The following RCC1 variants were observed in gnomAD, a reference collection of about 807,000 sequenced individuals.
RCC1 encodes the protein regulator of chromosome condensation.
A neutral mutation model predicts 44.4 loss-of-function variants in RCC1; 11 were observed. The ratio of observed to expected loss-of-function variants is 0.25; its 90% confidence interval spans 0.16 to 0.41. RCC1 has a LOEUF of 0.41. RCC1 is among the 10% of genes least tolerant of loss of function. The probability of loss-of-function intolerance (pLI) is 1.00; values close to 1 mark genes in which losing one functional copy is unlikely to be tolerated. For synonymous variants in RCC1, 213 were observed against 216.5 expected, an observed-to-expected ratio of 0.98 and a Z score of 0.14; for missense variants, 386 against 547.1, an observed-to-expected ratio of 0.71 and a Z score of 2.94.
intron 1 of RCC1, 73 bp from the exon 2 acceptor site, chr1:28,508,055 C>A: frequency 2.5e-6 from 1 of 404,216 alleles, no homozygotes; most frequent in Non-Finnish European, 5.1e-6. Flanking sequence ...CAACCCCAGG[C>A]GATAGCATGA....
At chr1:28,532,976 T>C (rs1463753149) in intron 7 of RCC1, among the ~76,000 whole-genome samples, 1 of 151,732 alleles carries the variant, frequency 6.6e-6, no homozygotes, top group African/African-American at 2.4e-5. Context: ...CCACCACGCC[T>C]GGCTAATTTT....
chr1:28,510,715 CAA>C (rs1173310442), intron 3 of RCC1: 1 of 152,246 alleles, frequency 6.6e-6, no homozygotes, highest in African/African-American at 2.4e-5. Flanking sequence ...TCCCAGGAAC[CAA>C]AAGACTAATT....
At chr1:28,521,399 G>A (rs1030118787) in intron 4 of RCC1, among the ~76,000 whole-genome samples, 15 of 151,694 alleles carry the variant, frequency 9.9e-5, no homozygotes, top group African/African-American at 3.6e-4. Flanking sequence ...TACTCGGGAG[G>A]CTGAGGCAGG....
intron 4 of RCC1, among the ~76,000 whole-genome samples, chr1:28,522,923 G>C (rs1353268790): frequency 4.0e-5 from 6 of 151,672 alleles, no homozygotes. Context: ...CGGAAGACCA[G>C]TGAAAAGTTG....
At position 28,536,404 on chromosome 1, in the gene RCC1, T is replaced by A. The variant is rs1664559502; in HGVS notation, c.937+23T>A. 2 of 1,609,486 alleles carry A rather than the reference T, an allele frequency of 1.2e-6. No homozygotes were observed. The highest frequency in any genetic ancestry group is 2.2e-5 in the South Asian group (2 of 90,620). ...AAGGTAGGGCCTTTACGTCCTTCTCTAGTTTGGGGGTGGAGTGTTCCCTGG... is the reference window on the plus strand; with the variant it reads ...AAGGTAGGGCCTTTACGTCCTTCTCAAGTTTGGGGGTGGAGTGTTCCCTGG... On this transcript the variant is annotated intron_variant, in intron 11 of 12. Transcript: ENST00000683442. This position sits in a 1 kb window ranked among gnomAD's most constrained non-coding sequence, Gnocchi z 4.9.
At position 28,532,796 on chromosome 1, in the gene RCC1, TTTG is replaced by T. The variant is rs570603145; in HGVS notation, c.441+467_441+469del. 8.7e-4 allele frequency: 384 copies of T among 441,608 alleles called. 1 individual carries two copies. The highest frequency in any genetic ancestry group is 2.1e-3 in the African/African-American group (104 of 49,248). The allele number at this position is 441,608 out of a possible 1,614,324, so 27.4% of individuals were successfully genotyped here. ...TAGTTGAAAAAACAGATTGTGGGTT[TTTG>T]TTGTTGTTGTTGTTGTTGTTTTTGT... On this transcript the variant is annotated intron_variant, in intron 7 of 12. Coordinates refer to ENST00000683442, the MANE Select transcript of RCC1 (RefSeq NM_001381865.2).
Position 28,507,544 on chromosome 1 carries a change from G to A in RCC1, c.-261-584G>A, listed in dbSNP as rs370759642. ...TCCCAGAGTCCTGTCGACAATTACT[G>A]GGGAGACAAACCATGCAGGAAACAG... On this transcript the variant is annotated intron_variant, in intron 1 of 12. Coordinates refer to ENST00000683442, the MANE Select transcript of RCC1 (RefSeq NM_001381865.2). 4 of 518,400 alleles carry A rather than the reference G, an allele frequency of 7.7e-6. No individual in the cohort carries two copies. The African/African-American group carries it at 7.7e-5, about 10-fold the overall frequency. The allele number at this position is 518,400 out of a possible 1,614,324, so 32.1% of individuals were successfully genotyped here.
At chr1:28,513,906 C>G (rs563843566) in intron 3 of RCC1, among the ~76,000 whole-genome samples, 2 of 152,080 alleles carry the variant, frequency 1.3e-5, no homozygotes, top group East Asian at 3.9e-4. Context: ...TTTTAACTTA[C>G]AATAGTCCAC....
chr1:28,527,448 G>A (rs547223762), intron 4 of RCC1, among the ~76,000 whole-genome samples: 1 of 152,190 alleles, frequency 6.6e-6, no homozygotes, highest in African/African-American at 2.4e-5. Context: ...TCGCCATGTT[G>A]CCCACGCTGG....
At chr1:28,515,552 A>G (rs752754102) in intron 3 of RCC1, among the ~76,000 whole-genome samples, 1 of 150,608 alleles carries the variant, frequency 6.6e-6, no homozygotes, top group East Asian at 2.0e-4. Context: ...CCCTGTCTCT[A>G]TTAAAAATAC....
At chr1:28,506,714 T>C (rs1570150250) in intron 1 of RCC1, 2 of 158,474 alleles carry the variant, frequency 1.3e-5, no homozygotes, top group Admixed American at 1.2e-4. Flanking sequence ...CACACAGTTT[T>C]ATTCTGGATC....
rs561720586 is a variant in RCC1 at position 28,531,353 on chromosome 1, G to A, written c.74-450G>A. Among the ~76,000 whole-genome samples, 33 of 131,736 alleles carry A rather than the reference G, an allele frequency of 2.5e-4. No homozygotes were observed. The East Asian group carries it at 6.6e-3, about 26-fold the overall frequency. The allele number at this position is 131,736 out of a possible 152,430, so 86.4% of individuals were successfully genotyped here. On this transcript the variant is annotated intron_variant, in intron 5 of 12. Coordinates refer to ENST00000683442, the MANE Select transcript of RCC1 (RefSeq NM_001381865.2). ...ACGATCTTGGCTCACTGCCACCTCCGCCTCCCAGGTTCAAGTGATTCTCCT... is the reference window on the plus strand; with the variant it reads ...ACGATCTTGGCTCACTGCCACCTCCACCTCCCAGGTTCAAGTGATTCTCCT...
rs182124190 is a variant in RCC1, at chr1:28,507,612, T to C, written c.-261-516T>C. 922 of 482,054 alleles carry C rather than the reference T, an allele frequency of 1.9e-3. 9 individuals are homozygous for C. Among genetic ancestry groups the C allele is most frequent in the African/African-American group, 0.017 (831 of 49,138 alleles). 29.9% of individuals were successfully genotyped at this position (482,054 alleles called of 1,614,324 possible). A position where few individuals can be genotyped will look rare whatever the true frequency, so the allele number is the denominator to read the frequency against. On this transcript the variant is annotated intron_variant, in intron 1 of 12. Coordinates refer to ENST00000683442, the MANE Select transcript of RCC1 (RefSeq NM_001381865.2). ...TCTGGATTGAAGTCTTTTTTTTTTT[T>C]TTTTTTTTTGGAGATGGAGTCGCTC...
intron 3 of RCC1, among the ~76,000 whole-genome samples, chr1:28,513,764 T>G (rs1389537491): frequency 6.6e-6 from 1 of 151,958 alleles, no homozygotes; most frequent in African/African-American, 2.4e-5. Flanking sequence ...TTTGTATTTT[T>G]TGTAGAGACA....
intron 4 of RCC1, chr1:28,526,688 G>C: frequency 2.0e-6 from 1 of 493,988 alleles, no homozygotes; most frequent in Non-Finnish European, 3.6e-6. Context: ...CTGAGTTCAG[G>C]AGTTCAAGAC....
chr1:28,507,271 AACTCGTTTGCTTTCTTGTTTAAG>A, intron 1 of RCC1: 1 of 483,464 alleles, frequency 2.1e-6, no homozygotes, highest in African/African-American at 2.0e-5. Flanking sequence ...ACAGGGTGGA[AACTCGTTTGCTTTCTTGTTTAAG>A]ATCTGTAGTA....
In RCC1 at chr1:28,536,957, C is replaced by G; in HGVS notation, c.1090+58C>G. 1 of 1,582,906 alleles carries G rather than the reference C, an allele frequency of 6.3e-7. No individual in the cohort carries two copies. The highest frequency in any genetic ancestry group is 1.1e-5 in the South Asian group (1 of 89,530). ...GGACCTGGGGGTCATGGTTCTTACC[C>G]AATTCCCCAATAGGCTGTGATGTCC... On this transcript the variant is annotated intron_variant, in intron 12 of 12. Coordinates refer to ENST00000683442, the MANE Select transcript of RCC1 (RefSeq NM_001381865.2). This position sits in a 1 kb window ranked among gnomAD's most constrained non-coding sequence, Gnocchi z 4.9.
intron 4 of RCC1, among the ~76,000 whole-genome samples, chr1:28,525,784 G>A (rs1238968862): frequency 6.6e-6 from 1 of 152,118 alleles, no homozygotes; most frequent in Non-Finnish European, 1.5e-5. Flanking sequence ...AGGATAATCA[G>A]CAGAAAAGTG....
chr1:28,530,007 C>T lies in RCC1; in HGVS notation c.73+68C>T. 12 of 1,241,264 alleles carry T rather than the reference C, an allele frequency of 9.7e-6. No individual in the cohort carries two copies. The South Asian group carries it at 1.4e-4, about 15-fold the overall frequency. The allele number at this position is 1,241,264 out of a possible 1,614,324, so 76.9% of individuals were successfully genotyped here. ...GAAACCCTAAGAACCCGGGACTGGG[C>T]TCCTTTCTTCCTGAGGCTTGAAGCT... On this transcript the variant is annotated intron_variant, in intron 5 of 12. Coordinates refer to ENST00000683442, the MANE Select transcript of RCC1 (RefSeq NM_001381865.2).
Sources: gnomAD v4.1 joint callset for allele counts (sites outside exome capture counted in the v4.1 genomes callset) on GRCh38, gnomAD v4.1.1 for gene constraint, Gnocchi (gnomAD v3.1) non-coding constraint, MANE v1.5 for transcripts, NCBI Gene and HGNC (gene_info 2026-07-23, HGNC 2026-07-21) for gene names.